The following CSMD1 variants were observed in gnomAD, a reference collection of about 807,000 sequenced individuals.
CSMD1 encodes CUB and sushi domain-containing protein 1.
A neutral mutation model predicts 417.5 loss-of-function variants in CSMD1; 213 were observed. The ratio of observed to expected loss-of-function variants is 0.51; its 90% CI spans 0.46 to 0.57. The LOEUF (loss-of-function observed/expected upper bound fraction) is 0.57, where lower values mean the gene tolerates loss of function less well. Ranked by LOEUF, CSMD1 falls within the 20% of genes least tolerant of loss-of-function variation. CSMD1 has a pLI of 0.00. For synonymous variants in CSMD1, 2,862 were observed against 1,736.8 expected (o/e 1.65, Z -16.11); for missense variants, 6,923 against 4,529.7 (o/e 1.53, Z -15.17).
chr8:4,095,866 C>T lies in CSMD1; in HGVS notation c.416-63767G>A, dbSNP rs115694806. 5.4e-3 allele frequency among the ~76,000 whole-genome samples: 815 copies of T among 152,224 alleles called. 6 individuals are homozygous for T. Among genetic ancestry groups the T allele is most frequent in the African/African-American group, 0.019 (779 of 41,536 alleles). On this transcript the variant is annotated intron_variant, in intron 3 of 69. Coordinates refer to ENST00000635120, the MANE Select transcript of CSMD1 (RefSeq NM_033225.6). ...TTAAAACTTTTTAAAGTGTTGAAAGCTAAACTATCAATGTTAAGAGTAGAA... is the reference window on the plus strand; with the variant it reads ...TTAAAACTTTTTAAAGTGTTGAAAGTTAAACTATCAATGTTAAGAGTAGAA...
At chr8:2,945,600 A>G (rs1802172045) in intron 68 of CSMD1, among the ~76,000 whole-genome samples, 1 of 152,180 alleles carries the variant, frequency 6.6e-6, no homozygotes, top group South Asian at 2.1e-4. Flanking sequence ...ATTGCTCTCT[A>G]AAGAGGCACT....
chr8:4,949,452 A>G (rs1199778027), intron 1 of CSMD1, among the ~76,000 whole-genome samples: 2 of 152,210 alleles, frequency 1.3e-5, no homozygotes, highest in Non-Finnish European at 2.9e-5. Flanking sequence ...TTTATAGAAA[A>G]ATATTCAACC....
chr8:4,469,182 G>A (rs973853149), intron 2 of CSMD1, among the ~76,000 whole-genome samples: 15 of 152,122 alleles, frequency 9.9e-5, no homozygotes, highest in African/African-American at 3.6e-4. Flanking sequence ...ACACATCAGT[G>A]GCAGGGACCT....
At chr8:4,839,442 A>T in intron 1 of CSMD1, among the ~76,000 whole-genome samples, 1 of 152,214 alleles carries the variant, frequency 6.6e-6, no homozygotes, top group Non-Finnish European at 1.5e-5. Context: ...TTCTGAAAAA[A>T]AGTTGCTAGA....
intron 6 of CSMD1, among the ~76,000 whole-genome samples, chr8:3,744,494 AAAATAAAT>A (rs71800118): frequency 6.6e-6 from 1 of 151,714 alleles, no homozygotes; most frequent in East Asian, 1.9e-4. Flanking sequence ...TTTGGAGGCA[AAAATAAAT>A]AAATAAATAA....
chr8:2,963,695 A>C (rs1803695911), intron 59 of CSMD1, among the ~76,000 whole-genome samples: 1 of 152,206 alleles, frequency 6.6e-6, no homozygotes, highest in African/African-American at 2.4e-5. Context: ...GTTCTTGCTT[A>C]ATTTGTGTCT....
At chr8:4,695,424 G>A (rs1359440715) in intron 1 of CSMD1, among the ~76,000 whole-genome samples, 19 of 152,206 alleles carry the variant, frequency 1.2e-4, no homozygotes, top group African/African-American at 4.6e-4. Flanking sequence ...ATTAGTCGCG[G>A]ATGACCAGTG....
chr8:4,923,353 G>T (rs1044781108), intron 1 of CSMD1, among the ~76,000 whole-genome samples: 1 of 151,932 alleles, frequency 6.6e-6, no homozygotes, highest in Non-Finnish European at 1.5e-5. Context: ...CTTCTTAAAG[G>T]GTTGGCATAC....
chr8:4,244,617 C>A (rs1009834473), intron 3 of CSMD1, among the ~76,000 whole-genome samples: 7 of 151,362 alleles, frequency 4.6e-5, no homozygotes, highest in African/African-American at 9.7e-5. Flanking sequence ...AAACAGTGCA[C>A]TGAACATGAC....
chr8:4,408,848 T>C (rs1796487120), intron 3 of CSMD1, among the ~76,000 whole-genome samples: 1 of 152,170 alleles, frequency 6.6e-6, no homozygotes, highest in Non-Finnish European at 1.5e-5. Context: ...ACATATCCTT[T>C]GAAAAATATA....
At chr8:3,593,655 G>C (rs1176495141) in intron 8 of CSMD1, among the ~76,000 whole-genome samples, 1 of 152,042 alleles carries the variant, frequency 6.6e-6, no homozygotes, top group Admixed American at 6.5e-5. Flanking sequence ...GACAAAATGA[G>C]GATCCCACAA....
intron 3 of CSMD1, among the ~76,000 whole-genome samples, chr8:4,033,417 G>A (rs1382824664): frequency 6.6e-6 from 1 of 152,138 alleles, no homozygotes; most frequent in African/African-American, 2.4e-5. Flanking sequence ...ACTCCAGCGT[G>A]GGTGACAGAG....
At chr8:4,602,549 T>G (rs1440564084) in intron 2 of CSMD1, among the ~76,000 whole-genome samples, 1 of 152,188 alleles carries the variant, frequency 6.6e-6, no homozygotes, top group Non-Finnish European at 1.5e-5. Flanking sequence ...GTCATTATAG[T>G]CATTGAGACA....
At chr8:3,660,662 A>T (rs926676640) in intron 7 of CSMD1, among the ~76,000 whole-genome samples, 3 of 151,768 alleles carry the variant, frequency 2.0e-5, no homozygotes, top group Admixed American at 1.3e-4. Context: ...CTGGGATTAC[A>T]GGGTCCCTCC....
At chr8:3,677,573 CTT>C (rs1402214526) in intron 7 of CSMD1, among the ~76,000 whole-genome samples, 1 of 152,098 alleles carries the variant, frequency 6.6e-6, no homozygotes, top group African/African-American at 2.4e-5. Flanking sequence ...TTGGAGATGT[CTT>C]AGATTCACGA....
At position 2,963,324 on chromosome 8, in the gene CSMD1, T is replaced by A. The variant is rs779210814; in HGVS notation, c.9352A>T (p.Ser3118Cys). Residue 3118 changes from serine (S) to cysteine (C), a missense_variant, in exon 60 of 70, where the codon AGC becomes TGC. Transcript: ENST00000635120. ...VEGSDFRWGSSISYSCMDGYQ... is the reference protein window; with the variant it reads ...VEGSDFRWGSCISYSCMDGYQ... ...CCGTCCATGCAGCTGTAACTTATGC[T>A]GGAGCCCCAGCGGAAATCACTTCCC... The A allele has an allele frequency of 6.2e-7, 1 of 1,613,968 alleles. No homozygotes were observed. Among genetic ancestry groups the A allele is most frequent in the Non-Finnish European group, 8.5e-7 (1 of 1,179,878 alleles).
At chr8:3,065,459 A>C (rs1344450186) in intron 49 of CSMD1, among the ~76,000 whole-genome samples, 1 of 152,190 alleles carries the variant, frequency 6.6e-6, no homozygotes, top group African/African-American at 2.4e-5. Context: ...AGAGAGATAT[A>C]GATAGAAAAA....
chr8:4,849,993 C>G (rs766521150), intron 1 of CSMD1, among the ~76,000 whole-genome samples: 14 of 152,204 alleles, frequency 9.2e-5, no homozygotes, highest in Non-Finnish European at 1.5e-4. Flanking sequence ...TTCCCACCAG[C>G]AGCAGACATG....
intron 7 of CSMD1, among the ~76,000 whole-genome samples, chr8:3,677,401 A>T (rs1312641720): frequency 2.0e-5 from 3 of 152,194 alleles, no homozygotes; most frequent in South Asian, 4.1e-4. Context: ...TACCCAGTTC[A>T]AGGCCAATGC....
Sources: allele counts gnomAD v4.1 joint callset (sites outside exome capture counted in the v4.1 genomes callset), GRCh38; gene constraint gnomAD v4.1.1; transcripts MANE v1.5; gene names NCBI Gene and HGNC (gene_info 2026-07-23, HGNC 2026-07-21).